The following ALG3 variants were observed in gnomAD, a reference collection of about 807,000 sequenced individuals.
ALG3 encodes dol-P-Man:Man(5)GlcNAc(2)-PP-Dol alpha-1,3-mannosyltransferase.
ALG3 carries 39 observed loss-of-function variants against 50.5 expected under a neutral mutation model. The observed-to-expected ratio is 0.77, with a 90% CI of 0.60 to 1.01. The LOEUF is 1.01. ALG3 is among the 50% of genes least tolerant of loss of function. The pLI is 0.00. For missense variants in ALG3, 520 were observed against 554.8 expected (o/e 0.94, Z 0.63); for synonymous variants, 252 against 237.2 (o/e 1.06, Z -0.58).
intron 1 of ALG3, among the ~76,000 whole-genome samples, chr3:184,248,105 C>T (rs1024074418): frequency 7.3e-5 from 11 of 150,806 alleles, no homozygotes; most frequent in Non-Finnish European, 1.3e-4. Context: ...CCGCCCGCCT[C>T]GGCCTCCCAA....
chr3:184,243,468 G>A, intron 7 of ALG3, 86 bp downstream of exon 7: 2 of 1,328,966 alleles, frequency 1.5e-6, no homozygotes, highest in Non-Finnish European at 1.1e-6. Context: ...CCTCGCCCAG[G>A]TCACCAGCTG....
chr3:184,243,019 G>A (rs1718917996), intron 7 of ALG3, 62 bp from the exon 8 acceptor site: 2 of 1,592,478 alleles, frequency 1.3e-6, no homozygotes, highest in East Asian at 2.3e-5. Flanking sequence ...CAAAACAGAG[G>A]GGCAATAGTT....
At chr3:184,248,977 C>G, upstream of ALG3, 1 of 1,548,730 alleles carries the variant, frequency 6.5e-7, no homozygotes, top group Non-Finnish European at 8.7e-7. Context: ...CCACCACCCC[C>G]GGAAACCCGA....
chr3:184,248,617 A>G, intron 1 of ALG3, 128 bp downstream of exon 1: 1 of 850,802 alleles, frequency 1.2e-6, no homozygotes, highest in Non-Finnish European at 1.8e-6. Context: ...GGTAAGGGAT[A>G]TGGATGGGTT....
chr3:184,247,357 G>A (rs1719213576), intron 1 of ALG3, among the ~76,000 whole-genome samples: 2 of 151,224 alleles, frequency 1.3e-5, no homozygotes, highest in South Asian at 4.2e-4. Context: ...GAGTACAGTG[G>A]CGCAATCTCG....
chr3:184,248,999 T>C (rs1560167417), upstream of ALG3: 1 of 1,541,908 alleles, frequency 6.5e-7, no homozygotes, highest in Admixed American at 2.0e-5. Context: ...CCTTCGACAC[T>C]TAGGTTCCGC....
At chr3:184,249,518 G>A, upstream of ALG3, 1 of 789,578 alleles carries the variant, frequency 1.3e-6, no homozygotes, top group East Asian at 2.7e-5. Context: ...GGGTCTGGAC[G>A]ATAGTTTTCC....
chr3:184,249,467 C>A, upstream of ALG3: 1 of 751,448 alleles, frequency 1.3e-6, no homozygotes, highest in Non-Finnish European at 2.1e-6. Flanking sequence ...ACCTTGAGTG[C>A]GGCCCTAGGA....
chr3:184,245,072 T>C (rs1255957769), intron 4 of ALG3, 126 bp downstream of exon 4: 1 of 1,274,940 alleles, frequency 7.8e-7, no homozygotes, highest in Non-Finnish European at 1.1e-6. Context: ...GATCCTGGAC[T>C]CGCTTTGTGG....
Position 184,243,822 on chromosome 3 carries a change from G to A in ALG3, c.901C>T (p.Leu301Phe). ...LALLTAHLTL[L>F]LLFALCRWHR... ...CACCTGCAGAGGGCAAACAGCAGGAGCAGGGTGAGGTGGGCAGTCAACAGG... is the reference window on the plus strand; with the variant it reads ...CACCTGCAGAGGGCAAACAGCAGGAACAGGGTGAGGTGGGCAGTCAACAGG... Residue 301 changes from leucine to phenylalanine, a missense_variant, in exon 6 of 9, where the codon CTC (leucine) becomes TTC (phenylalanine). This residue lies in a region of ALG3 where 224 missense variants were observed against 272.8 expected (regional missense o/e 0.82). Transcript: ENST00000397676. 1.9e-6 allele frequency: 3 copies of A among 1,613,992 alleles called. No individual in the cohort carries two copies. The highest frequency in any genetic ancestry group is 2.5e-6 in the Non-Finnish European group (3 of 1,179,884).
chr3:184,248,490 C>T (rs1207080307), intron 1 of ALG3, among the ~76,000 whole-genome samples: 2 of 152,184 alleles, frequency 1.3e-5, no homozygotes, highest in Admixed American at 6.5e-5. Flanking sequence ...TCAAATCTGA[C>T]TTCTAAGCTG....
In ALG3 at chr3:184,248,844, G is replaced by A. The variant is rs1719341682; in HGVS notation, c.97C>T (p.Arg33Cys). ...QWLQRAWQER[R>C]LLLREPRYTL... The stretch of plus-strand genomic sequence containing the variant: ...TAGCGCGGCTCCCGCAGCAGCAGGC[G>A]CCGCTCTTGCCAGGCGCGCTGCAGC... Residue 33 changes from arginine (R) to cysteine (C), a missense_variant, in exon 1 of 9, where the codon CGC becomes TGC. Coordinates refer to ENST00000397676, the MANE Select transcript of ALG3 (RefSeq NM_005787.6). The A allele has an allele frequency of 1.2e-6, 2 of 1,608,032 alleles. No individual in the cohort carries two copies. The highest frequency in any genetic ancestry group is 1.1e-5 in the South Asian group (1 of 90,826).
At chr3:184,249,158 A>C, upstream of ALG3, 1 of 1,558,208 alleles carries the variant, frequency 6.4e-7, no homozygotes, top group African/African-American at 1.4e-5. Flanking sequence ...TCCTCAGTTT[A>C]TACCCAGCCC....
upstream of ALG3, chr3:184,249,370 C>G (rs1449892031): frequency 7.5e-7 from 1 of 1,336,672 alleles, no homozygotes; most frequent in African/African-American, 1.5e-5. Flanking sequence ...GAAAAATGAA[C>G]CTTTCACTAA....
rs2108438705 is a variant in ALG3 at position 184,242,334 on chromosome 3, T to C, written c.*180A>G. On this transcript the variant is annotated 3_prime_UTR_variant, in exon 9 of 9. Transcript: ENST00000397676. ...GCAATAAAGTGCCTCTTAGGACTGCTTGAGTGAATTCTTTATCTGCTCCAT... is the reference window on the plus strand; with the variant it reads ...GCAATAAAGTGCCTCTTAGGACTGCCTGAGTGAATTCTTTATCTGCTCCAT... 1 of 848,740 alleles carries C rather than the reference T, an allele frequency of 1.2e-6. No individual in the cohort carries two copies. Among genetic ancestry groups the C allele is most frequent in the East Asian group, 2.7e-5 (1 of 37,730 alleles). 52.6% of individuals were successfully genotyped at this position (848,740 alleles called of 1,614,324 possible).
rs767432538 is a variant in ALG3, at chr3:184,248,945, A to C, written c.-5T>G. On this transcript the variant is annotated 5_prime_UTR_variant, in exon 1 of 9. Transcript: ENST00000397676. ...TTTCCGCAGCCCAGCCGCCATCTTAACGGTGCGCCGCTTGTGTGGGCCCAC... is the reference window on the plus strand; with the variant it reads ...TTTCCGCAGCCCAGCCGCCATCTTACCGGTGCGCCGCTTGTGTGGGCCCAC... 9 of 1,573,914 alleles carry C rather than the reference A, an allele frequency of 5.7e-6. No homozygotes were observed. In the South Asian group the frequency reaches 1.0e-4, roughly 18 times the overall value.
intron 7 of ALG3, 36 bp from the exon 8 acceptor site, chr3:184,242,993 G>T (rs755309424): frequency 1.2e-6 from 2 of 1,609,686 alleles, no homozygotes; most frequent in Non-Finnish European, 1.7e-6. Context: ...AGGAGTGTGT[G>T]TGGGGGGGAC....
At chr3:184,249,227 T>C (rs1577110358), upstream of ALG3, 1 of 1,612,348 alleles carries the variant, frequency 6.2e-7, no homozygotes, top group Non-Finnish European at 8.5e-7. Context: ...CCTGCCTACC[T>C]CCCCCACAAC....
At chr3:184,245,884 A>G in intron 1 of ALG3, 72 bp from the exon 2 acceptor site, 1 of 1,182,310 alleles carries the variant, frequency 8.5e-7, no homozygotes, top group Non-Finnish European at 1.2e-6. Flanking sequence ...ATGCCTCCAG[A>G]CCATCAAAAC....
Sources: gnomAD v4.1 joint callset for allele counts (sites outside exome capture counted in the v4.1 genomes callset) on GRCh38, gnomAD v4.1.1 for gene constraint, gnomAD v4.1.1 regional missense constraint, MANE v1.5 for transcripts, NCBI Gene and HGNC (gene_info 2026-07-23, HGNC 2026-07-21) for gene names.